FAM184A: variants seen among roughly 807,000 people sequenced by gnomAD.
FAM184A encodes protein FAM184A.
Under a neutral mutation model 143.8 loss-of-function variants are expected in FAM184A, and 99 were observed. That is an observed-to-expected ratio of 0.69 (90% CI 0.58 to 0.81). The LOEUF is 0.81. Among genes scored for constraint, FAM184A ranks in the 40% least tolerant of loss-of-function variants. FAM184A has a pLI of 0.00. For missense variants in FAM184A, 1,217 were observed against 1,310.5 expected (o/e 0.93, Z 1.10); for synonymous variants, 427 against 446.4 (o/e 0.96, Z 0.55).
upstream of FAM184A, chr6:119,079,196 T>G (rs185005894): frequency 6.6e-6 from 1 of 152,518 alleles, no homozygotes; most frequent in East Asian, 1.9e-4. Context: ...GACACTGTCT[T>G]AGCCGCCCCC....
intron 1 of FAM184A, among the ~76,000 whole-genome samples, chr6:119,033,458 G>A (rs572752958): frequency 1.3e-5 from 2 of 152,070 alleles, no homozygotes; most frequent in African/African-American, 2.4e-5. Flanking sequence ...GAGGTCAGGA[G>A]TTCAAGACCA....
chr6:119,050,663 G>T (rs191915741), intron 1 of FAM184A, among the ~76,000 whole-genome samples: 1,734 of 152,170 alleles, frequency 0.011, 35 homozygotes, highest in African/African-American at 0.039. Flanking sequence ...AAAATTAGCC[G>T]GGCGCGGTGG....
chr6:119,139,827 C>T (rs1450708617), intron 1 of FAM184A, among the ~76,000 whole-genome samples: 1 of 152,082 alleles, frequency 6.6e-6, no homozygotes, highest in Non-Finnish European at 1.5e-5. Context: ...TTCCTTCGAG[C>T]AAATGACTAG....
intron 1 of FAM184A, among the ~76,000 whole-genome samples, chr6:119,070,605 TTTTC>T (rs145144726): frequency 0.044 from 6,641 of 152,176 alleles, 250 homozygotes; most frequent in East Asian, 0.2. Context: ...ATAACATTGT[TTTTC>T]TTTATTTTTA....
At chr6:119,074,318 C>T (rs539147208) in intron 1 of FAM184A, among the ~76,000 whole-genome samples, 1 of 152,144 alleles carries the variant, frequency 6.6e-6, no homozygotes, top group Non-Finnish European at 1.5e-5. Flanking sequence ...AATAATACCC[C>T]CTTCCCTAGT....
chr6:119,014,562 T>C (rs1785181056), intron 5 of FAM184A, among the ~76,000 whole-genome samples: 1 of 152,214 alleles, frequency 6.6e-6, no homozygotes, highest in Non-Finnish European at 1.5e-5. Flanking sequence ...TTTCAACTAG[T>C]TGAGGCTTCC....
intron 7 of FAM184A, chr6:119,005,367 T>C (rs1784887974): frequency 6.6e-6 from 1 of 152,182 alleles, no homozygotes; most frequent in African/African-American, 2.4e-5. Context: ...GAATATATCA[T>C]AGATAAAATA....
At chr6:119,019,874 G>A in intron 4 of FAM184A, 104 bp downstream of exon 4, 1 of 1,010,924 alleles carries the variant, frequency 9.9e-7, no homozygotes, top group Non-Finnish European at 1.4e-6. Context: ...AGTAGGAAAT[G>A]TATTGTTACT....
intron 14 of FAM184A, among the ~76,000 whole-genome samples, chr6:118,968,827 T>C (rs1015728742): frequency 6.8e-5 from 3 of 44,114 alleles, no homozygotes; most frequent in African/African-American, 2.7e-4. Flanking sequence ...GAACCACTTT[T>C]TTTTGCATAA....
intron 1 of FAM184A, among the ~76,000 whole-genome samples, chr6:119,129,583 G>C (rs572145213): frequency 2.0e-5 from 3 of 152,216 alleles, no homozygotes; most frequent in South Asian, 4.1e-4. Flanking sequence ...AGAGGGATTA[G>C]GCATTGGAGC....
At chr6:119,012,238 C>T (rs1270442399) in intron 5 of FAM184A, among the ~76,000 whole-genome samples, 1 of 152,146 alleles carries the variant, frequency 6.6e-6, no homozygotes, top group East Asian at 1.9e-4. Context: ...ACAAGCAGTT[C>T]AATATTTCTG....
intron 9 of FAM184A, among the ~76,000 whole-genome samples, chr6:118,991,372 G>A (rs916374243): frequency 6.6e-6 from 1 of 152,006 alleles, no homozygotes; most frequent in African/African-American, 2.4e-5. Context: ...TGTTGGCCAG[G>A]CTGGTCACGA....
In FAM184A at chr6:118,979,440, C is replaced by CCTCCA; in HGVS notation, c.2375_2379dup (p.Gly794TrpfsTer6). On this transcript the variant is annotated frameshift_variant, in exon 11 of 18. Transcript: ENST00000338891. LOFTEE classifies it high-confidence loss of function. ...TCCTGTTCCATTTCTATCCGGAAGC[C>CCTCCA]CTCCATTGACTCTCTGTGTGCATCT... The CCTCCA allele has an allele frequency of 6.2e-7, 1 of 1,613,716 alleles. No homozygotes were observed. The highest frequency in any genetic ancestry group is 1.3e-5 in the African/African-American group (1 of 74,970).
chr6:118,994,816 G>A (rs1784496471), intron 9 of FAM184A, among the ~76,000 whole-genome samples: 1 of 152,112 alleles, frequency 6.6e-6, no homozygotes, highest in South Asian at 2.1e-4. Flanking sequence ...ACACCCAGAA[G>A]ACTAATTATA....
chr6:118,994,482 T>C (rs1037676872), intron 9 of FAM184A, among the ~76,000 whole-genome samples: 1 of 151,622 alleles, frequency 6.6e-6, no homozygotes, highest in Non-Finnish European at 1.5e-5. Context: ...GTCAAGAGAT[T>C]GAGACCACCC....
At chr6:119,063,396 T>G (rs1349898703) in intron 1 of FAM184A, among the ~76,000 whole-genome samples, 2 of 152,260 alleles carry the variant, frequency 1.3e-5, no homozygotes, top group South Asian at 2.1e-4. Context: ...ACATACTGCA[T>G]GTTAAATTCC....
chr6:119,011,124 T>G, intron 6 of FAM184A, 185 bp downstream of exon 6: 2 of 513,666 alleles, frequency 3.9e-6, no homozygotes, highest in Non-Finnish European at 6.6e-6. Flanking sequence ...TTTTTGACAG[T>G]AAATTTTACC....
intron 1 of FAM184A, among the ~76,000 whole-genome samples, chr6:119,075,072 A>C (rs1445904271): frequency 6.6e-6 from 1 of 152,226 alleles, no homozygotes; most frequent in Non-Finnish European, 1.5e-5. Context: ...GCAAAATTAT[A>C]ATCTTTATTA....
chr6:119,099,747 C>G (rs1218614304), intron 1 of FAM184A, among the ~76,000 whole-genome samples: 1 of 152,092 alleles, frequency 6.6e-6, no homozygotes, highest in South Asian at 2.1e-4. Flanking sequence ...ATACATGGAG[C>G]TTCCTGGAGG....
Sources: gnomAD v4.1 joint callset for allele counts (sites outside exome capture counted in the v4.1 genomes callset) on GRCh38, gnomAD v4.1.1 for gene constraint, MANE v1.5 for transcripts, NCBI Gene and HGNC (gene_info 2026-07-23, HGNC 2026-07-21) for gene names.